The following ARPP21 variants were observed in gnomAD, a reference collection of about 807,000 sequenced individuals.
The protein encoded by ARPP21 is cAMP regulated phosphoprotein 21, also known as cAMP-regulated phosphoprotein 21.
In ARPP21, 69 loss-of-function variants were observed where a neutral mutation model predicts 113.2. The ratio of observed to expected loss-of-function variants is 0.61; its 90% confidence interval spans 0.50 to 0.74. The LOEUF is 0.74. Ranked by LOEUF, ARPP21 falls within the 30% of genes least tolerant of loss-of-function variation. The pLI, the probability that ARPP21 is intolerant of heterozygous loss-of-function variation, is 0.00. For synonymous variants in ARPP21, 368 were observed against 375.5 expected (o/e 0.98, Z 0.23); for missense variants, 1,070 against 1,037.4 (o/e 1.03, Z -0.43).
Position 35,699,127 on chromosome 3 carries a change from A to G in ARPP21, c.687-7847A>G, listed in dbSNP as rs74471576. On this transcript the variant is annotated intron_variant, in intron 9 of 20. Coordinates refer to ENST00000684406, the MANE Select transcript of ARPP21 (RefSeq NM_001385562.1). Reference sequence around the variant, plus strand: ...GTGTGAATACATAGTATGTAACTACAGGAGTGTCTGTGTGTGTAAATACAT... The same window carrying G: ...GTGTGAATACATAGTATGTAACTACGGGAGTGTCTGTGTGTGTAAATACAT... Among the ~76,000 whole-genome samples, 291 of 151,780 alleles carry G rather than the reference A, an allele frequency of 1.9e-3. 16 individuals carry two copies. The East Asian group carries it at 0.054, about 28-fold the overall frequency.
intron 14 of ARPP21, among the ~76,000 whole-genome samples, chr3:35,723,881 A>C (rs959088384): frequency 6.6e-6 from 1 of 152,228 alleles, no homozygotes; most frequent in Non-Finnish European, 1.5e-5. Flanking sequence ...AACTTAAAGA[A>C]GATCAAGGTA....
chr3:35,743,245 A>G (rs1385200823), intron 18 of ARPP21, among the ~76,000 whole-genome samples: 2 of 152,226 alleles, frequency 1.3e-5, no homozygotes, highest in African/African-American at 4.8e-5. Flanking sequence ...AATATTTAAA[A>G]TGTAGGTTTT....
intron 18 of ARPP21, among the ~76,000 whole-genome samples, chr3:35,743,571 TAGGATCAGACTTG>T (rs2094816557): frequency 1.1e-5 from 1 of 90,258 alleles, no homozygotes; most frequent in Non-Finnish European, 2.8e-5. Context: ...AAGTCTTCTT[TAGGATCAGACTTG>T]AAAGACTCAG....
At chr3:35,664,471 T>A (rs1467203413) in intron 1 of ARPP21, among the ~76,000 whole-genome samples, 1 of 152,184 alleles carries the variant, frequency 6.6e-6, no homozygotes, top group Non-Finnish European at 1.5e-5. Flanking sequence ...TAGACTCTGG[T>A]AACTGCTATT....
At chr3:35,649,043 A>C (rs1701367373) in intron 1 of ARPP21, among the ~76,000 whole-genome samples, 2 of 152,114 alleles carry the variant, frequency 1.3e-5, no homozygotes, top group Admixed American at 6.5e-5. Flanking sequence ...ACACAAACAA[A>C]AGGCCTATTT....
intron 19 of ARPP21, among the ~76,000 whole-genome samples, chr3:35,785,509 TAAAG>T (rs5847899): frequency 0.49 from 73,036 of 150,332 alleles, 19,891 homozygotes; most frequent in African/African-American, 0.74. Context: ...TGCCCTGATT[TAAAG>T]AAAGAAAGAA....
intron 19 of ARPP21, among the ~76,000 whole-genome samples, chr3:35,768,936 G>A (rs1331867252): frequency 6.6e-6 from 1 of 152,160 alleles, no homozygotes; most frequent in East Asian, 1.9e-4. Flanking sequence ...GAAAAGGCTA[G>A]TATATAAGAA....
intron 19 of ARPP21, among the ~76,000 whole-genome samples, chr3:35,747,236 C>CCCAGCTA (rs1406270950): frequency 6.6e-6 from 1 of 151,724 alleles, no homozygotes; most frequent in Non-Finnish European, 1.5e-5. Context: ...TGCCTGTAAT[C>CCCAGCTA]CCAGCTACTT....
chr3:35,748,176 AAAGAAAG>A (rs1252558071), intron 19 of ARPP21, among the ~76,000 whole-genome samples: 18 of 60,084 alleles, frequency 3.0e-4, no homozygotes, highest in African/African-American at 3.0e-3. Flanking sequence ...ACAGAAAAGA[AAAGAAAG>A]AAAGAAAGAA....
chr3:35,725,313 GC>G (rs1439542656), intron 14 of ARPP21, among the ~76,000 whole-genome samples: 1 of 152,202 alleles, frequency 6.6e-6, no homozygotes, highest in Non-Finnish European at 1.5e-5. Context: ...GTGGCAAGAG[GC>G]TAGGAGATTT....
At chr3:35,748,566 CTG>C (rs769987665) in intron 19 of ARPP21, among the ~76,000 whole-genome samples, 3 of 152,108 alleles carry the variant, frequency 2.0e-5, no homozygotes, top group South Asian at 2.1e-4. Flanking sequence ...TATAAAAAGA[CTG>C]TAATTTTAAA....
At chr3:35,759,160 A>C (rs530362671) in intron 19 of ARPP21, among the ~76,000 whole-genome samples, 1 of 152,118 alleles carries the variant, frequency 6.6e-6, no homozygotes, top group South Asian at 2.1e-4. Flanking sequence ...TTGGCAAGAC[A>C]AACGTAGGTA....
At chr3:35,736,717 G>C (rs1394259034) in intron 15 of ARPP21, among the ~76,000 whole-genome samples, 5 of 152,188 alleles carry the variant, frequency 3.3e-5, no homozygotes, top group Non-Finnish European at 5.9e-5. Flanking sequence ...TGGTGACAAG[G>C]CTTAGTAGCA....
chr3:35,753,311 A>T (rs1164331628), intron 19 of ARPP21, among the ~76,000 whole-genome samples: 1 of 152,054 alleles, frequency 6.6e-6, no homozygotes, highest in Admixed American at 6.6e-5. Flanking sequence ...CAACATATGA[A>T]TATACACATT....
intron 14 of ARPP21, among the ~76,000 whole-genome samples, chr3:35,725,374 C>T (rs1485863590): frequency 6.6e-6 from 1 of 152,142 alleles, no homozygotes; most frequent in Non-Finnish European, 1.5e-5. Context: ...TGAGGAGCCT[C>T]TAGTCTGGAA....
chr3:35,767,589 G>C (rs188141553), intron 19 of ARPP21, among the ~76,000 whole-genome samples: 1 of 152,216 alleles, frequency 6.6e-6, no homozygotes, highest in Admixed American at 6.5e-5. Context: ...TAATTTATTT[G>C]TTTCAAAGCC....
chr3:35,670,885 GC>G (rs1575633421), intron 1 of ARPP21, among the ~76,000 whole-genome samples: 1 of 152,144 alleles, frequency 6.6e-6, no homozygotes, highest in Admixed American at 6.5e-5. Context: ...ACACTGGCCT[GC>G]GGGCCCTCTC....
chr3:35,741,608 G>A (rs1056479053), intron 18 of ARPP21, among the ~76,000 whole-genome samples: 8 of 152,176 alleles, frequency 5.3e-5, no homozygotes, highest in Non-Finnish European at 1.2e-4. Context: ...GACAAAGAGG[G>A]ATTTGAAGAA....
chr3:35,643,902 A>T (rs1699165525), intron 1 of ARPP21: 1 of 152,012 alleles, frequency 6.6e-6, no homozygotes. Context: ...TCACAAAAAG[A>T]ATTGACTTCC....
Sources: allele counts gnomAD v4.1 joint callset (sites outside exome capture counted in the v4.1 genomes callset), GRCh38; gene constraint gnomAD v4.1.1; transcripts MANE v1.5; gene names NCBI Gene and HGNC (gene_info 2026-07-23, HGNC 2026-07-21).